The following WDR87 variants were observed in gnomAD, a reference collection of about 807,000 sequenced individuals.
The protein encoded by WDR87 is WD repeat-containing protein 87.
WDR87 carries 56 observed loss-of-function variants against 83.3 expected under a neutral mutation model. The ratio of observed to expected loss-of-function variants is 0.67; its 90% CI spans 0.54 to 0.84. The LOEUF is 0.84. WDR87 is among the 40% of genes least tolerant of loss of function. The probability of loss-of-function intolerance (pLI) is 0.00; values close to 1 mark genes in which losing one functional copy is unlikely to be tolerated. For missense variants in WDR87, 2,939 were observed against 3,431.9 expected (o/e 0.86, Z 3.59); for synonymous variants, 1,173 against 1,250.6 (o/e 0.94, Z 1.31).
rs1277251989 is a variant in WDR87, at chr19:37,894,638, G to A, written c.1065C>T (p.Tyr355=). 1 of 1,551,640 alleles carries A rather than the reference G, an allele frequency of 6.4e-7. No homozygotes were observed. Among genetic ancestry groups the A allele is most frequent in the Non-Finnish European group, 8.7e-7 (1 of 1,147,012 alleles). Residue 355 remains tyrosine (Y), a synonymous_variant, in exon 4 of 6, where the codon TAC becomes TAT. Coordinates refer to ENST00000447313, the MANE Select transcript of WDR87 (RefSeq NM_001291088.2). ...SFSLHRLPCF[Y]SLFNVCGSAP... ...CAGAGCCACAGACATTGAAGAGGCT[G>A]TAGAAGCAGGGCAGGCGGTGCAAGG...
intron 1 of WDR87, among the ~76,000 whole-genome samples, chr19:37,905,139 GGA>G: frequency 6.6e-6 from 1 of 151,882 alleles, no homozygotes; most frequent in Non-Finnish European, 1.5e-5. Context: ...GGCTGAGGCA[GGA>G]GAGTCACTTG....
At chr19:37,900,093 C>T (rs1412703139) in intron 1 of WDR87, among the ~76,000 whole-genome samples, 1 of 152,210 alleles carries the variant, frequency 6.6e-6, no homozygotes, top group Non-Finnish European at 1.5e-5. Context: ...AACTTACCAT[C>T]ATCATCTCAC....
At position 37,885,294 on chromosome 19, in the gene WDR87, A is replaced by C; in HGVS notation, c.8377T>G (p.Phe2793Val). Residue 2793 changes from phenylalanine to valine, a missense_variant, in exon 6 of 6, where the codon TTC (phenylalanine) becomes GTC (valine). Physicochemically the swap from Phe to Val is conservative, Grantham distance 50. Around this residue, in one of 3 missense-constraint regions of WDR87, gnomAD observed 2,160 missense variants for 2,533.1 expected, o/e 0.85. Coordinates refer to ENST00000447313, the MANE Select transcript of WDR87 (RefSeq NM_001291088.2). ...TGGTACAGGTCCATGAGCTGGTAGA[A>C]CTGTTCCATCCAAGCAGTGCTGTCT... ...PKDSTAWMEQ[F>V]YQLMDLYQLK... is the part of the protein sequence containing the mutation. The C allele has an allele frequency of 1.3e-6, 2 of 1,548,962 alleles. No homozygotes were observed. The highest frequency in any genetic ancestry group is 2.4e-5 in the South Asian group (2 of 83,640).
rs1304529369 is a variant in WDR87 at position 37,898,146 on chromosome 19, T to C, written c.75+19A>G. 6.4e-7 allele frequency: 1 copy of C among 1,551,444 alleles called. No individual in the cohort carries two copies. Among genetic ancestry groups the C allele is most frequent in the East Asian group, 2.4e-5 (1 of 40,908 alleles). On this transcript the variant is annotated intron_variant, in intron 2 of 5. Transcript: ENST00000447313. Reference sequence around the variant, plus strand: ...TAGCAGCCAACCTATAATATGTTTATGTCCTACATATACATTACCTTGCTT... The same window carrying C: ...TAGCAGCCAACCTATAATATGTTTACGTCCTACATATACATTACCTTGCTT...
chr19:37,906,337 T>A (rs904482557), intron 1 of WDR87, among the ~76,000 whole-genome samples, 162 bp downstream of exon 1: 5 of 152,158 alleles, frequency 3.3e-5, no homozygotes, highest in Non-Finnish European at 5.9e-5. Flanking sequence ...ACAAGGCCCC[T>A]AGGCAGCCCC....
chr19:37,893,995 C>T lies in WDR87; in HGVS notation c.1708G>A (p.Val570Met), dbSNP rs370584108. The change falls in exon 4 of 6, where the codon GTG (valine) becomes ATG (methionine). Residue 570 changes from valine (V) to methionine (M), a missense_variant. Val to Met is a conservative substitution (Grantham distance 21, BLOSUM62 1). Coordinates refer to ENST00000447313, the MANE Select transcript of WDR87 (RefSeq NM_001291088.2). The stretch of plus-strand genomic sequence containing the variant: ...CAGTTTGTCTCTGTGATGGCACCCA[C>T]AGACTTGGGCAAGAGTATCAGATGT... Reference protein sequence around the residue: ...LTHLILLPKSVGAITETNCLR... With the variant: ...LTHLILLPKSMGAITETNCLR... 5 of 1,551,766 alleles carry T rather than the reference C, an allele frequency of 3.2e-6. No homozygotes were observed. In the African/African-American group the frequency reaches 5.5e-5, roughly 17 times the overall value.
Position 37,893,520 on chromosome 19 carries a change from A to T in WDR87, c.2183T>A (p.Leu728Ter), listed in dbSNP as rs2046226014. 6.4e-7 allele frequency: 1 copy of T among 1,551,648 alleles called. No individual in the cohort carries two copies. Among genetic ancestry groups the T allele is most frequent in the African/African-American group, 1.4e-5 (1 of 73,024 alleles). ...GTTGACAAGTTTCTCCAGACCCACTAATTTCTGTTGCGCTTGTCCAGGGTA... is the reference window on the plus strand; with the variant it reads ...GTTGACAAGTTTCTCCAGACCCACTTATTTCTGTTGCGCTTGTCCAGGGTA... ...YIYPGQAQQK[L>*]VGLEKLVNNR... The change falls in exon 4 of 6, where the codon TTA becomes TAA. Residue 728 changes from leucine (L) to a stop codon, truncating the protein, a stop_gained. Transcript: ENST00000447313. LOFTEE classifies it high-confidence loss of function.
chr19:37,886,026 G>A lies in WDR87; in HGVS notation c.7645C>T (p.Gln2549Ter), dbSNP rs753771461. 1.3e-6 allele frequency: 2 copies of A among 1,551,786 alleles called. No individual in the cohort carries two copies. Among genetic ancestry groups the A allele is most frequent in the South Asian group, 2.4e-5 (2 of 84,058 alleles). ...GCATGTTGTTCCTTAGCTGGGATTT[G>A]GGAGAGAGGTAACTGTACCTCAGTC... ...GQTEVQLPLS[Q>*]IPAKEQHADV... The change falls in exon 6 of 6, where the codon CAA (glutamine) becomes TAA (stop). Residue 2549 changes from glutamine (Q) to a stop codon, truncating the protein, a stop_gained. Transcript: ENST00000447313. LOFTEE classifies it low-confidence loss of function (END_TRUNC).
Position 37,893,924 on chromosome 19 carries a change from C to T in WDR87, c.1779G>A (p.Gln593=). 1 of 1,551,896 alleles carries T rather than the reference C, an allele frequency of 6.4e-7. No homozygotes were observed. The highest frequency in any genetic ancestry group is 8.7e-7 in the Non-Finnish European group (1 of 1,147,030). The change falls in exon 4 of 6, where the codon CAG becomes CAA. Residue 593 remains glutamine, a synonymous_variant. Coordinates refer to ENST00000447313, the MANE Select transcript of WDR87 (RefSeq NM_001291088.2). ...GTGTTTCTATGAATTTCAAGCCATT[C>T]TGTGACCCAGAGGACAGAAAATCAT... The part of the protein sequence containing the change: ...KFHDFLSSGS[Q]NGLKFIETLP...
chr19:37,890,265 A>G lies in WDR87; in HGVS notation c.3406T>C (p.Leu1136=), dbSNP rs1250612977. 1.3e-6 allele frequency: 2 copies of G among 1,527,202 alleles called. No homozygotes were observed. The highest frequency in any genetic ancestry group is 2.5e-5 in the South Asian group (2 of 81,180). The allele number at this position is 1,527,202 out of a possible 1,614,324, so 94.6% of individuals were successfully genotyped here. The part of the protein sequence containing the change: ...AGVKKHSQKW[L]RGLKKTKERD... ...TCTTTCGTCTTCTTGAGACCCCGCA[A>G]CCATTTTTGGCCTGCAGTAAAAATC... is the stretch of plus-strand genomic sequence containing the variant. The change falls in exon 6 of 6, where the codon TTG becomes CTG. Residue 1136 remains leucine (L), a synonymous_variant. Transcript: ENST00000447313.
At position 37,888,007 on chromosome 19, in the gene WDR87, C is replaced by T; in HGVS notation, c.5664G>A (p.Glu1888=). The change falls in exon 6 of 6, where the codon GAG becomes GAA. Residue 1888 remains glutamate, a synonymous_variant. Transcript: ENST00000447313. ...LAQEKKNLAQ[E]KEKLAQRKEN... ...CTTTCCTCTGAGCCAATTTTTCCTT[C>T]TCCTGGGCCAGATTCTTCTTTTCCT... The T allele has an allele frequency of 6.4e-7, 1 of 1,550,604 alleles. No individual in the cohort carries two copies. The highest frequency in any genetic ancestry group is 8.7e-7 in the Non-Finnish European group (1 of 1,146,826).
In WDR87 at chr19:37,887,586, G is replaced by C. The variant is rs771670874; in HGVS notation, c.6085C>G (p.Pro2029Ala). 121 of 1,551,626 alleles carry C rather than the reference G, an allele frequency of 7.8e-5. No homozygotes were observed. Among genetic ancestry groups the C allele is most frequent in the Non-Finnish European group, 9.9e-5 (113 of 1,147,010 alleles). ...GKETLSKGET[P>A]ETSRQRKMTQ... is the part of the protein sequence containing the mutation. The stretch of plus-strand genomic sequence containing the variant: ...ATTTTCCTTTGTCTAGAAGTTTCTG[G>C]AGTCTCTCCCTTAGACAGTGTTTCT... Residue 2029 changes from proline to alanine, a missense_variant, in exon 6 of 6, where the codon CCA (proline) becomes GCA (alanine). Pro to Ala is a conservative substitution (Grantham distance 27, BLOSUM62 -1). Coordinates refer to ENST00000447313, the MANE Select transcript of WDR87 (RefSeq NM_001291088.2).
Position 37,887,342 on chromosome 19 carries a change from G to T in WDR87, c.6329C>A (p.Ala2110Glu), listed in dbSNP as rs1025340415. The T allele has an allele frequency of 6.4e-7, 1 of 1,551,400 alleles. No individual in the cohort carries two copies. Among genetic ancestry groups the T allele is most frequent in the Non-Finnish European group, 8.7e-7 (1 of 1,146,948 alleles). Residue 2110 changes from alanine (A) to glutamate (E), a missense_variant, in exon 6 of 6, where the codon GCA becomes GAA. By Grantham distance (107) the Ala-to-Glu change is moderately radical. Coordinates refer to ENST00000447313, the MANE Select transcript of WDR87 (RefSeq NM_001291088.2). The stretch of plus-strand genomic sequence containing the variant: ...TGCCTTTAAGATTTTGTTCAGTTTT[G>T]CTGGTTCCTTGGAAAGGCTCTCCCT... Reference protein sequence around the residue: ...KKRESLSKEPAKLNKILKALQ... With the variant: ...KKRESLSKEPEKLNKILKALQ...
In WDR87 at chr19:37,894,717, C is replaced by T. The variant is rs1205608943; in HGVS notation, c.986G>A (p.Arg329Gln). The part of the protein sequence containing the change: ...RRLELGEELY[R>Q]LQFIDSITFF... ...AGTAATGCTGTCAATAAACTGGAGC[C>T]GGTATAGCTCCTCACCAAGCTCTAG... Residue 329 changes from arginine to glutamine, a missense_variant, in exon 4 of 6, where the codon CGG (arginine) becomes CAG (glutamine). Arg to Gln is a conservative substitution (Grantham distance 43, BLOSUM62 1). Around this residue, in one of 3 missense-constraint regions of WDR87, gnomAD observed 553 missense variants for 577.9 expected, o/e 0.96. Coordinates refer to ENST00000447313, the MANE Select transcript of WDR87 (RefSeq NM_001291088.2). The T allele has an allele frequency of 1.6e-5, 25 of 1,551,592 alleles. No individual in the cohort carries two copies. Among genetic ancestry groups the T allele is most frequent in the South Asian group, 4.8e-5 (4 of 84,070 alleles).
chr19:37,888,107 C>A lies in WDR87; in HGVS notation c.5564G>T (p.Arg1855Met). 1 of 1,551,734 alleles carries A rather than the reference C, an allele frequency of 6.4e-7. No homozygotes were observed. The highest frequency in any genetic ancestry group is 8.7e-7 in the Non-Finnish European group (1 of 1,147,034). The stretch of plus-strand genomic sequence containing the variant: ...TTCCATGCTGTTGATCCATCTTTCC[C>A]TTTTTTGGGCCAGTTTCATCTTCTT... ...IEKKMKLAQK[R>M]ERWINSMEEL... The change falls in exon 6 of 6, where the codon AGG becomes ATG. Residue 1855 changes from arginine (R) to methionine (M), a missense_variant. Arg to Met is a moderately conservative substitution (Grantham distance 91). This residue lies in a region of WDR87 where 2,160 missense variants were observed against 2,533.1 expected (regional missense o/e 0.85). Coordinates refer to ENST00000447313, the MANE Select transcript of WDR87 (RefSeq NM_001291088.2).
rs1207600530 is a variant in WDR87 at position 37,893,569 on chromosome 19, T to C, written c.2134A>G (p.Thr712Ala). 1 of 1,551,670 alleles carries C rather than the reference T, an allele frequency of 6.4e-7. No individual in the cohort carries two copies. The highest frequency in any genetic ancestry group is 1.2e-5 in the South Asian group (1 of 84,066). Residue 712 changes from threonine (T) to alanine (A), a missense_variant, in exon 4 of 6, where the codon ACC (threonine) becomes GCC (alanine). Physicochemically the swap from Thr to Ala is moderately conservative, Grantham distance 58. Coordinates refer to ENST00000447313, the MANE Select transcript of WDR87 (RefSeq NM_001291088.2). ...FIPSFFFSFE[T>A]MFVPKYIYPG... ...TAGATGTACTTGGGCACAAACATGG[T>C]CTCAAAGGAGAAGAAGAAGCTTGGT... is the stretch of plus-strand genomic sequence containing the variant.
chr19:37,892,793 G>A lies in WDR87; in HGVS notation c.2910C>T (p.Thr970=). 1 of 1,551,748 alleles carries A rather than the reference G, an allele frequency of 6.4e-7. No homozygotes were observed. The highest frequency in any genetic ancestry group is 8.7e-7 in the Non-Finnish European group (1 of 1,147,000). The change falls in exon 4 of 6, where the codon ACC becomes ACT. Residue 970 remains threonine (T), a synonymous_variant. Coordinates refer to ENST00000447313, the MANE Select transcript of WDR87 (RefSeq NM_001291088.2). ...GTTCTCGGATCAGCGGGTTGGAATT[G>A]GTTGTATCATTCAGTAGCCGACGGG... ...ETARRLLNDT[T]NSNPLIRELA...
intron 1 of WDR87, among the ~76,000 whole-genome samples, chr19:37,899,944 A>G (rs2046283438): frequency 6.6e-6 from 1 of 152,208 alleles, no homozygotes; most frequent in Non-Finnish European, 1.5e-5. Flanking sequence ...CCAAAATGTG[A>G]AAAACACTGG....
chr19:37,891,236 T>C (rs887256571), intron 5 of WDR87, among the ~76,000 whole-genome samples: 8 of 151,146 alleles, frequency 5.3e-5, no homozygotes, highest in Non-Finnish European at 1.2e-4. Flanking sequence ...CCATCTCTGC[T>C]CATTGCAACC....
Sources: gnomAD v4.1 joint callset for allele counts (sites outside exome capture counted in the v4.1 genomes callset) on GRCh38, gnomAD v4.1.1 for gene constraint, gnomAD v4.1.1 regional missense constraint, MANE v1.5 for transcripts, NCBI Gene and HGNC (gene_info 2026-07-23, HGNC 2026-07-21) for gene names.